TNS1: variants seen among roughly 807,000 people sequenced by gnomAD.
The protein encoded by TNS1 is tensin 1.
TNS1 carries 62 observed loss-of-function variants against 168.6 expected under a neutral mutation model. The observed-to-expected ratio is 0.37, with a 90% CI of 0.30 to 0.45. TNS1 has a LOEUF of 0.45. Among genes scored for constraint, TNS1 ranks in the 20% least tolerant of loss-of-function variants. The pLI is 1.00. For missense variants in TNS1, 2,240 were observed against 2,339.4 expected (o/e 0.96, Z 0.88); for synonymous variants, 934 against 933.2 (o/e 1.00, Z -0.02).
chr2:217,966,312 C>T (rs113696438), intron 3 of TNS1, among the ~76,000 whole-genome samples: 13,818 of 141,496 alleles, frequency 0.098, 702 homozygotes, highest in South Asian at 0.14. Context: ...TGTGTGTGCG[C>T]GCGCGCGCGT....
chr2:217,830,530 G>T, intron 22 of TNS1: 2 of 1,026,194 alleles, frequency 1.9e-6, no homozygotes, highest in South Asian at 1.6e-5. Context: ...CCATAAGAAG[G>T]AGAGGAGCTG....
chr2:217,980,288 G>A (rs1327787390), intron 2 of TNS1, among the ~76,000 whole-genome samples: 1 of 152,088 alleles, frequency 6.6e-6, no homozygotes, highest in Non-Finnish European at 1.5e-5. Context: ...AGCCACACAA[G>A]CGTTACCCAT....
At chr2:217,885,247 G>C in intron 15 of TNS1, 83 bp from the exon 16 acceptor site, 1 of 1,580,600 alleles carries the variant, frequency 6.3e-7, no homozygotes, top group Non-Finnish European at 8.6e-7. Flanking sequence ...CAGCTCCGCT[G>C]ACTGAGCCCC....
intron 8 of TNS1, among the ~76,000 whole-genome samples, chr2:217,897,038 C>T (rs2125731880): frequency 6.6e-6 from 1 of 152,320 alleles, no homozygotes; most frequent in East Asian, 1.9e-4. Context: ...AGGGCCACCT[C>T]ATTTGCTACA....
At chr2:217,838,877 G>A (rs772379729) in intron 19 of TNS1, among the ~76,000 whole-genome samples, 20 of 152,070 alleles carry the variant, frequency 1.3e-4, no homozygotes, top group Admixed American at 7.9e-4. Flanking sequence ...CCTCTCTCAC[G>A]TCCCAGAGTC....
chr2:217,820,983 G>A (rs1201040648), intron 23 of TNS1, among the ~76,000 whole-genome samples: 1 of 152,206 alleles, frequency 6.6e-6, no homozygotes, highest in African/African-American at 2.4e-5. Context: ...CTGCTGGGCT[G>A]TCCTTCTGGA....
chr2:217,955,987 G>C (rs1957351868), intron 3 of TNS1, among the ~76,000 whole-genome samples: 2 of 152,142 alleles, frequency 1.3e-5, no homozygotes, highest in African/African-American at 4.8e-5. Context: ...CTGCCTTGAA[G>C]TGGGAGGGGT....
chr2:217,830,345 A>G, intron 22 of TNS1: 1 of 1,614,098 alleles, frequency 6.2e-7, no homozygotes, highest in Non-Finnish European at 8.5e-7. Context: ...TGGGTCACAA[A>G]TGCATGCCAC....
intron 1 of TNS1, among the ~76,000 whole-genome samples, chr2:218,002,513 C>T (rs546845580): frequency 4.4e-5 from 6 of 135,694 alleles, no homozygotes; most frequent in East Asian, 2.2e-4. Flanking sequence ...GGATGCAAGT[C>T]GGGAGGAAAG....
At chr2:217,964,757 C>T (rs1422758083) in intron 3 of TNS1, among the ~76,000 whole-genome samples, 2 of 152,222 alleles carry the variant, frequency 1.3e-5, no homozygotes, top group Admixed American at 6.5e-5. Context: ...CTAGTCTGAA[C>T]CCAGACACCC....
rs1950586627 is a variant in TNS1 at position 217,880,576 on chromosome 2, C to T, written c.1429+322G>A. Among the ~76,000 whole-genome samples the T allele has an allele frequency of 6.6e-6, 1 of 152,186 alleles. No homozygotes were observed. Among genetic ancestry groups the T allele is most frequent in the African/African-American group, 2.4e-5 (1 of 41,456 alleles). ...CTCCAAGGAGCCTTCCCAGATCACT[C>T]CAGCTCTCAAAATCCCTCCCTGCCA... On this transcript the variant is annotated intron_variant, in intron 18 of 32. Coordinates refer to ENST00000682258, the MANE Select transcript of TNS1 (RefSeq NM_001387777.1). This position sits in a 1 kb window ranked among gnomAD's most constrained non-coding sequence, Gnocchi z 4.2.
intron 1 of TNS1, among the ~76,000 whole-genome samples, chr2:218,009,290 A>G (rs1173652552): frequency 6.6e-6 from 1 of 152,140 alleles, no homozygotes; most frequent in Non-Finnish European, 1.5e-5. Context: ...CCCTCCAGGG[A>G]GAATTTAAAG....
At chr2:218,025,641 A>G (rs951571046) in intron 1 of TNS1, among the ~76,000 whole-genome samples, 2 of 151,736 alleles carry the variant, frequency 1.3e-5, no homozygotes, top group Admixed American at 1.3e-4. Flanking sequence ...TGCAGTGGTG[A>G]TACTAAGGCA....
At chr2:218,030,006 T>C (rs1191091695) in intron 1 of TNS1, among the ~76,000 whole-genome samples, 1 of 152,186 alleles carries the variant, frequency 6.6e-6, no homozygotes, top group Admixed American at 6.5e-5. Flanking sequence ...GCCATCTCCA[T>C]GTCCAGTCCT....
chr2:217,839,723 C>T (rs753941301), intron 19 of TNS1, among the ~76,000 whole-genome samples: 3 of 152,156 alleles, frequency 2.0e-5, no homozygotes, highest in Non-Finnish European at 2.9e-5. Context: ...TCCTCTGCAC[C>T]CCCCAGACTG....
At chr2:217,820,331 C>A (rs1942629233) in intron 23 of TNS1, among the ~76,000 whole-genome samples, 1 of 152,188 alleles carries the variant, frequency 6.6e-6, no homozygotes, top group African/African-American at 2.4e-5. Flanking sequence ...AATCCCCTTT[C>A]CTTTAAAATA....
At chr2:217,863,201 G>A (rs980157928) in intron 18 of TNS1, among the ~76,000 whole-genome samples, 8 of 152,174 alleles carry the variant, frequency 5.3e-5, no homozygotes, top group Non-Finnish European at 1.0e-4. Flanking sequence ...ACAGAAGGAG[G>A]AAACAGAACA....
intron 8 of TNS1, among the ~76,000 whole-genome samples, chr2:217,895,620 T>C (rs925230419): frequency 6.6e-6 from 1 of 152,160 alleles, no homozygotes; most frequent in African/African-American, 2.4e-5. Flanking sequence ...CCAGACTTCC[T>C]CCATCAGAGG....
At chr2:217,830,091 G>A (rs1944200081) in intron 22 of TNS1, 2 of 694,552 alleles carry the variant, frequency 2.9e-6, no homozygotes, top group South Asian at 6.5e-5. Context: ...GACTCCAAGG[G>A]GAAGGCCGAG....
Sources: allele counts gnomAD v4.1 joint callset (sites outside exome capture counted in the v4.1 genomes callset), GRCh38; gene constraint gnomAD v4.1.1; non-coding constraint Gnocchi (gnomAD v3.1); transcripts MANE v1.5; gene names NCBI Gene and HGNC (gene_info 2026-07-23, HGNC 2026-07-21).